NF2: variants seen among roughly 807,000 people sequenced by gnomAD.
NF2 encodes merlin.
In NF2, 8 loss-of-function variants were observed where a neutral mutation model predicts 83.7. That is an observed-to-expected ratio of 0.10 (90% confidence interval 0.06 to 0.17). The LOEUF is 0.17. Among genes scored for constraint, NF2 ranks in the 10% least tolerant of loss-of-function variants. The probability of loss-of-function intolerance (pLI) is 1.00; values close to 1 mark genes in which losing one functional copy is unlikely to be tolerated. For synonymous variants in NF2, 266 were observed against 269.6 expected, an observed-to-expected ratio of 0.99 and a Z score of 0.13; for missense variants, 533 against 744.4, an observed-to-expected ratio of 0.72 and a Z score of 3.31.
At chr22:29,682,120 T>C (rs2067153611) in intron 15 of NF2, among the ~76,000 whole-genome samples, 2 of 152,172 alleles carry the variant, frequency 1.3e-5, no homozygotes, top group South Asian at 4.1e-4. Context: ...AATGGTTTCA[T>C]ATCTTTCTCT....
chr22:29,687,122 C>A (rs559874684), intron 15 of NF2, among the ~76,000 whole-genome samples: 1 of 152,194 alleles, frequency 6.6e-6, no homozygotes, highest in Non-Finnish European at 1.5e-5. Context: ...GTCTCCCGAT[C>A]CTGAGCTGGT....
intron 1 of NF2, among the ~76,000 whole-genome samples, chr22:29,615,676 A>G (rs1601539814): frequency 1.3e-5 from 2 of 152,164 alleles, no homozygotes. Context: ...TTGAGGTTGC[A>G]GTTAGCTGTG....
intron 11 of NF2, 66 bp from the exon 12 acceptor site, chr22:29,673,203 C>G: frequency 6.6e-7 from 1 of 1,511,682 alleles, no homozygotes; most frequent in Non-Finnish European, 9.0e-7. Flanking sequence ...TCTCAGTGTT[C>G]AAGGCAGATC....
intron 4 of NF2, among the ~76,000 whole-genome samples, chr22:29,647,800 C>T (rs1207197220): frequency 1.3e-5 from 2 of 151,914 alleles, no homozygotes; most frequent in Non-Finnish European, 2.9e-5. Flanking sequence ...ATAAATAAAC[C>T]TAGTTTATTT....
intron 1 of NF2, among the ~76,000 whole-genome samples, chr22:29,605,153 T>A (rs75188604): frequency 7.4e-4 from 2 of 2,712 alleles, no homozygotes; most frequent in East Asian, 0.022. Context: ...CCTGGCTAAT[T>A]TTTTTTTTTT....
At chr22:29,655,447 CCT>C in intron 5 of NF2, 145 bp from the exon 6 acceptor site, 1 of 697,800 alleles carries the variant, frequency 1.4e-6, no homozygotes. Flanking sequence ...ATTTACACGC[CCT>C]CTCTCTGTGT....
At chr22:29,635,745 A>G (rs149751613) in intron 1 of NF2, among the ~76,000 whole-genome samples, 4 of 152,138 alleles carry the variant, frequency 2.6e-5, no homozygotes, top group African/African-American at 9.6e-5. Context: ...GAGTGGTCTC[A>G]TTTTTCCCAT....
At chr22:29,644,805 C>T (rs528274367) in intron 4 of NF2, among the ~76,000 whole-genome samples, 14 of 152,280 alleles carry the variant, frequency 9.2e-5, no homozygotes, top group African/African-American at 2.9e-4. Context: ...CCTGCAATTG[C>T]AGGCACTCGG....
intron 12 of NF2, 151 bp from the exon 13 acceptor site, chr22:29,674,685 A>T: frequency 2.9e-6 from 2 of 698,344 alleles, no homozygotes; most frequent in Non-Finnish European, 5.3e-6. Flanking sequence ...TTCTGATTTC[A>T]TGTAAATATC....
At chr22:29,624,857 CTT>C (rs1555983617) in intron 1 of NF2, among the ~76,000 whole-genome samples, 67 of 129,980 alleles carry the variant, frequency 5.2e-4, no homozygotes, top group Middle Eastern at 3.6e-3. Flanking sequence ...TTCTTTCTTT[CTT>C]TCTTTCTTTC....
At position 29,681,465 on chromosome 22, in the gene NF2, A is replaced by T; in HGVS notation, c.1601A>T (p.His534Leu). 6.2e-7 allele frequency: 1 copy of T among 1,614,198 alleles called. No homozygotes were observed. The highest frequency in any genetic ancestry group is 8.5e-7 in the Non-Finnish European group (1 of 1,180,040). ...EKVEYMEKSK[H>L]LQEQLNELKT... ...GTGGAATACATGGAAAAGAGCAAGC[A>T]TCTGCAGGAGCAGCTCAATGAACTC... is the stretch of plus-strand genomic sequence containing the variant. The change falls in exon 15 of 16, where the codon CAT (histidine) becomes CTT (leucine). Residue 534 changes from histidine to leucine, a missense_variant. This residue lies in a region of NF2 where 199 missense variants were observed against 240.7 expected (regional missense o/e 0.83). Transcript: ENST00000338641.
At chr22:29,608,569 T>C (rs1056225094) in intron 1 of NF2, among the ~76,000 whole-genome samples, 5 of 150,976 alleles carry the variant, frequency 3.3e-5, no homozygotes, top group African/African-American at 1.2e-4. Flanking sequence ...CTTGGGAGGT[T>C]GAGGCGGGAG....
chr22:29,661,282 C>G lies in NF2; in HGVS notation c.753C>G (p.Thr251=), dbSNP rs2147009720. The change falls in exon 8 of 16, where the codon ACC becomes ACG. Residue 251 remains threonine (T), a synonymous_variant. Coordinates refer to ENST00000338641, the MANE Select transcript of NF2 (RefSeq NM_000268.4). ...TTTATGACCCTGAGAACAGACTGAC[C>G]CCCAAGATCTCCTTCCCGTGGAATG... The part of the protein sequence containing the change: ...LHIYDPENRL[T]PKISFPWNEI... 6.2e-7 allele frequency: 1 copy of G among 1,614,190 alleles called. No individual in the cohort carries two copies. Among genetic ancestry groups the G allele is most frequent in the Non-Finnish European group, 8.5e-7 (1 of 1,180,042 alleles).
chr22:29,658,461 A>T (rs1280963822), intron 7 of NF2, among the ~76,000 whole-genome samples, 197 bp downstream of exon 7: 2 of 152,182 alleles, frequency 1.3e-5, no homozygotes, highest in Non-Finnish European at 2.9e-5. Flanking sequence ...ATAGGTAATT[A>T]AGTGTCACTT....
chr22:29,614,253 C>G (rs1456134180), intron 1 of NF2, among the ~76,000 whole-genome samples: 2 of 151,082 alleles, frequency 1.3e-5, no homozygotes, highest in Non-Finnish European at 3.0e-5. Context: ...ACGAGGCTGG[C>G]CAACATGGTG....
chr22:29,682,428 G>A (rs911277816), intron 15 of NF2, among the ~76,000 whole-genome samples: 8 of 152,160 alleles, frequency 5.3e-5, no homozygotes, highest in African/African-American at 1.4e-4. Flanking sequence ...TAGTGGTTAA[G>A]CTGTATCTGA....
At chr22:29,639,398 T>C (rs1264526789) in intron 3 of NF2, among the ~76,000 whole-genome samples, 186 bp downstream of exon 3, 1 of 152,026 alleles carries the variant, frequency 6.6e-6, no homozygotes, top group Non-Finnish European at 1.5e-5. Flanking sequence ...GTGATGAAAA[T>C]TGGTGTCAGA....
At chr22:29,668,554 C>T in intron 10 of NF2, 108 bp downstream of exon 10, 1 of 784,210 alleles carries the variant, frequency 1.3e-6, no homozygotes. Context: ...GTGGACATAC[C>T]TGCTCTTGTT....
chr22:29,682,058 T>C (rs1305678082), intron 15 of NF2, among the ~76,000 whole-genome samples: 1 of 152,188 alleles, frequency 6.6e-6, no homozygotes. Flanking sequence ...TAAAAGGAAG[T>C]GTCTAGGAAA....
Sources: gnomAD v4.1 joint callset for allele counts (sites outside exome capture counted in the v4.1 genomes callset) on GRCh38, gnomAD v4.1.1 for gene constraint, gnomAD v4.1.1 regional missense constraint, MANE v1.5 for transcripts, NCBI Gene and HGNC (gene_info 2026-07-23, HGNC 2026-07-21) for gene names.